Variants in PCYT1A observed in about 807,000 individuals in gnomAD.
PCYT1A encodes choline-phosphate cytidylyltransferase A.
In PCYT1A, 25 loss-of-function variants were observed where a neutral mutation model predicts 43.7. That is an observed-to-expected ratio of 0.57 (90% CI 0.42 to 0.80). PCYT1A has a LOEUF of 0.80. Among genes scored for constraint, PCYT1A ranks in the 30% least tolerant of loss-of-function variants. PCYT1A has a pLI of 0.00. For missense variants in PCYT1A, 421 were observed against 474.2 expected (o/e 0.89, Z 1.04); for synonymous variants, 172 against 170.7 (o/e 1.01, Z -0.06).
At position 196,237,113 on chromosome 3, in the gene PCYT1A, A is replaced by C. The variant is rs751632465; in HGVS notation, c.*1575T>G. ...GCTCACAGTCCTAGCAGAGGCAAGG[A>C]AAGAGAAAATGTGGTTTTCTTAGCT... is the stretch of plus-strand genomic sequence containing the variant. On this transcript the variant is annotated 3_prime_UTR_variant, in exon 9 of 9. Transcript: ENST00000431016. The C allele has an allele frequency of 1.3e-5, 2 of 152,244 alleles. No individual in the cohort carries two copies. The highest frequency in any genetic ancestry group is 4.8e-5 in the African/African-American group (2 of 41,444). 9.4% of individuals were successfully genotyped at this position (152,244 alleles called of 1,614,324 possible).
chr3:196,243,690 C>G (rs544096832), intron 5 of PCYT1A, among the ~76,000 whole-genome samples: 2 of 152,278 alleles, frequency 1.3e-5, no homozygotes, highest in African/African-American at 2.4e-5. Flanking sequence ...CACGCCGCCA[C>G]GCCTGACTGG....
chr3:196,263,856 T>A (rs1560172338), intron 2 of PCYT1A, among the ~76,000 whole-genome samples: 1 of 151,990 alleles, frequency 6.6e-6, no homozygotes, highest in Admixed American at 6.6e-5. Context: ...ATGGTCTCGA[T>A]CACTTGACCT....
At chr3:196,261,648 G>A (rs1212573596) in intron 2 of PCYT1A, among the ~76,000 whole-genome samples, 2 of 152,194 alleles carry the variant, frequency 1.3e-5, no homozygotes, top group East Asian at 3.9e-4. Flanking sequence ...AACTTAGCCA[G>A]GTGGGGTGGT....
At chr3:196,265,809 C>T (rs1308938244) in intron 2 of PCYT1A, among the ~76,000 whole-genome samples, 1 of 128,798 alleles carries the variant, frequency 7.8e-6, no homozygotes, top group Admixed American at 8.5e-5. Context: ...GCGATCTCAG[C>T]TCACTTGCAA....
At position 196,247,207 on chromosome 3, in the gene PCYT1A, G is replaced by A. The variant is rs1205607878; in HGVS notation, c.486+160C>T. On this transcript the variant is annotated intron_variant, in intron 5 of 8. Coordinates refer to ENST00000431016, the MANE Select transcript of PCYT1A (RefSeq NM_001312673.2). The surrounding 1 kb of genome is among the most constrained non-coding windows in gnomAD (Gnocchi z 4.8). ...ATCCAGCCCCATATAAACGTCAGGG[G>A]TGACTGTTATCACTAGTAATATCAC... 6.6e-6 allele frequency among the ~76,000 whole-genome samples: 1 copy of A among 152,210 alleles called. No homozygotes were observed. Among genetic ancestry groups the A allele is most frequent in the East Asian group, 1.9e-4 (1 of 5,198 alleles).
At chr3:196,238,947 A>G in intron 8 of PCYT1A, 53 bp from the exon 9 acceptor site, 1 of 1,121,982 alleles carries the variant, frequency 8.9e-7, no homozygotes, top group Non-Finnish European at 1.2e-6. Flanking sequence ...CTACTTAATC[A>G]TCACTGAAGC....
At chr3:196,241,359 CTGTT>C (rs1417559295) in intron 7 of PCYT1A, 2 of 164,414 alleles carry the variant, frequency 1.2e-5, no homozygotes, top group African/African-American at 4.8e-5. Context: ...TTTTGTTTGT[CTGTT>C]TGTTTAGAGA....
intron 3 of PCYT1A, among the ~76,000 whole-genome samples, chr3:196,256,107 G>T (rs755833058): frequency 5.9e-5 from 9 of 152,152 alleles, no homozygotes; most frequent in Non-Finnish European, 8.8e-5. Flanking sequence ...TTTTCAAAAG[G>T]AAAGGATTCT....
At chr3:196,280,067 G>A (rs1725713778) in intron 1 of PCYT1A, among the ~76,000 whole-genome samples, 1 of 152,030 alleles carries the variant, frequency 6.6e-6, no homozygotes, top group African/African-American at 2.4e-5. Context: ...CTGACCTCAG[G>A]TGATCTGCCC....
At position 196,242,318 on chromosome 3, in the gene PCYT1A, AGGGTTTCCT is replaced by A. The variant is rs1217450490; in HGVS notation, c.565+235_566-229del. ...CCTAATATTAAGAAAAATATGAGAAAGGGTTTCCTGAAATTAAGAGAGATATCCAAAGTA... is the reference window on the plus strand; with the variant it reads ...CCTAATATTAAGAAAAATATGAGAAAGAAATTAAGAGAGATATCCAAAGTA... On this transcript the variant is annotated intron_variant, in intron 6 of 8. Transcript: ENST00000431016. This position sits in a 1 kb window ranked among gnomAD's most constrained non-coding sequence, Gnocchi z 4.2. The A allele has an allele frequency of 3.1e-6, 2 of 650,408 alleles. No homozygotes were observed. Among genetic ancestry groups the A allele is most frequent in the African/African-American group, 3.6e-5 (2 of 55,220 alleles). The allele number at this position is 650,408 out of a possible 1,614,324, so 40.3% of individuals were successfully genotyped here.
intron 1 of PCYT1A, among the ~76,000 whole-genome samples, chr3:196,276,807 A>G (rs868332066): frequency 8.5e-5 from 13 of 152,056 alleles, no homozygotes; most frequent in Non-Finnish European, 1.5e-4. Context: ...GTAGTGGCAC[A>G]TGCCTGTAGT....
chr3:196,278,919 T>G (rs959763195), intron 1 of PCYT1A, among the ~76,000 whole-genome samples: 1 of 144,462 alleles, frequency 6.9e-6, no homozygotes, highest in Non-Finnish European at 1.5e-5. Flanking sequence ...ATGCAGAGGT[T>G]GCAGTGAGCC....
At chr3:196,250,808 A>G (rs1724743914) in intron 3 of PCYT1A, 1 of 170,352 alleles carries the variant, frequency 5.9e-6, no homozygotes, top group Non-Finnish European at 1.3e-5. Context: ...GATCAGATAC[A>G]CTATGCTGAG....
chr3:196,263,737 A>C (rs998020793), intron 2 of PCYT1A, among the ~76,000 whole-genome samples: 1 of 152,050 alleles, frequency 6.6e-6, no homozygotes, highest in Admixed American at 6.5e-5. Context: ...GGTTCAAGCA[A>C]TTCTCCTGCC....
At chr3:196,250,780 C>A (rs962381105) in intron 3 of PCYT1A, 2 of 166,194 alleles carry the variant, frequency 1.2e-5, no homozygotes, top group African/African-American at 2.4e-5. Flanking sequence ...GGTTGAGGAC[C>A]AGATACACTA....
intron 3 of PCYT1A, among the ~76,000 whole-genome samples, chr3:196,249,163 T>G (rs1323537765): frequency 6.6e-6 from 1 of 151,974 alleles, no homozygotes; most frequent in African/African-American, 2.4e-5. Flanking sequence ...CATTTTTTTT[T>G]TGAGACAGGG....
chr3:196,241,879 C>T (rs746743814), intron 7 of PCYT1A, 69 bp downstream of exon 7: 1 of 1,569,996 alleles, frequency 6.4e-7, no homozygotes, highest in South Asian at 1.1e-5. Flanking sequence ...GCCAGTTCAG[C>T]TGAGATGGAG....
chr3:196,239,153 G>T (rs565262967), intron 8 of PCYT1A, among the ~76,000 whole-genome samples: 26 of 152,272 alleles, frequency 1.7e-4, no homozygotes, highest in African/African-American at 6.0e-4. Context: ...TGGTTGAAAA[G>T]ACTGCTACTC....
chr3:196,241,643 G>A lies in PCYT1A; in HGVS notation c.708+305C>T, dbSNP rs1013181901. The A allele has an allele frequency of 4.5e-5, 61 of 1,344,942 alleles. No individual in the cohort carries two copies. In the Admixed American group the frequency reaches 8.4e-4, roughly 19 times the overall value. The allele number at this position is 1,344,942 out of a possible 1,614,324, so 83.3% of individuals were successfully genotyped here. ...CAGGTTCCCAAGACATCATCCAACC[G>A]AAGAAGAGAGAGGAAGTTTAAGAGA... On this transcript the variant is annotated intron_variant, in intron 7 of 8. Coordinates refer to ENST00000431016, the MANE Select transcript of PCYT1A (RefSeq NM_001312673.2).
Sources: allele counts gnomAD v4.1 joint callset (sites outside exome capture counted in the v4.1 genomes callset), GRCh38; gene constraint gnomAD v4.1.1; non-coding constraint Gnocchi (gnomAD v3.1); transcripts MANE v1.5; gene names NCBI Gene and HGNC (gene_info 2026-07-23, HGNC 2026-07-21).